Variants in RAB37 observed in about 807,000 individuals in gnomAD.
RAB37 encodes ras-related protein Rab-37.
A neutral mutation model predicts 33.1 loss-of-function variants in RAB37; 29 were observed. The ratio of observed to expected loss-of-function variants is 0.88; its 90% CI spans 0.65 to 1.20. The LOEUF is 1.20. Ranked by LOEUF, RAB37 falls within the 50% of genes most tolerant of loss-of-function variation. The pLI is 0.00. For synonymous variants in RAB37, 128 were observed against 119.5 expected (o/e 1.07, Z -0.47); for missense variants, 299 against 301.1 (o/e 0.99, Z 0.05).
intron 1 of RAB37, chr17:74,672,871 T>G (rs1240035807): frequency 6.6e-6 from 1 of 152,232 alleles, no homozygotes; most frequent in African/African-American, 2.4e-5. Context: ...GGTGCATGGC[T>G]CTGTGCCATG....
chr17:74,714,394 T>TAA (rs1333354087), intron 1 of RAB37, among the ~76,000 whole-genome samples: 1 of 115,350 alleles, frequency 8.7e-6, no homozygotes, highest in Non-Finnish European at 1.7e-5. Context: ...GCTGTCTCTT[T>TAA]AAACACACAC....
intron 1 of RAB37, chr17:74,677,333 C>T (rs1032111803): frequency 7.9e-5 from 12 of 152,116 alleles, no homozygotes; most frequent in African/African-American, 1.9e-4. Context: ...ACAAATAAAA[C>T]AGCAAAAGAC....
chr17:74,710,201 T>C (rs1334253063), intron 1 of RAB37, among the ~76,000 whole-genome samples: 1 of 150,840 alleles, frequency 6.6e-6, no homozygotes. Context: ...GGTCTCGATC[T>C]CCTGACCTTG....
At chr17:74,735,909 A>G (rs117608575), upstream of RAB37, among the ~76,000 whole-genome samples, 1,390 of 152,220 alleles carry the variant, frequency 9.1e-3, 18 homozygotes, top group Non-Finnish European at 0.014. Context: ...CTCCACACCT[A>G]AGTTAAGAAT....
upstream of RAB37, among the ~76,000 whole-genome samples, chr17:74,732,676 G>A (rs1472660518): frequency 1.1e-5 from 1 of 91,874 alleles, no homozygotes; most frequent in African/African-American, 3.9e-5. Flanking sequence ...TGTGTATGTG[G>A]CGTGAGATGT....
intron 1 of RAB37, among the ~76,000 whole-genome samples, chr17:74,700,981 A>G (rs1363830806): frequency 6.6e-6 from 1 of 152,176 alleles, no homozygotes; most frequent in East Asian, 1.9e-4. Flanking sequence ...AGACACACGC[A>G]GAGGGACGAC....
rs749871961 is a variant in RAB37, at chr17:74,729,357, C to G, written c.174C>G (p.Ile58Met). ...GCTCCTTCTCGGCCACTGTGGGCAT[C>G]GGATTCACGGTAAGCACTGGCCGGC... Residue 58 changes from isoleucine to methionine, a missense_variant, in exon 2 of 8, where the codon ATC (isoleucine) becomes ATG (methionine). Coordinates refer to the RAB37 transcript ENST00000340415. This position sits in a 1 kb window ranked among gnomAD's most constrained non-coding sequence, Gnocchi z 4.2. The G allele has an allele frequency of 6.2e-7, 1 of 1,613,218 alleles. No individual in the cohort carries two copies. The highest frequency in any genetic ancestry group is 8.5e-7 in the Non-Finnish European group (1 of 1,179,274).
chr17:74,703,288 C>T, intron 1 of RAB37: 1 of 633,114 alleles, frequency 1.6e-6, no homozygotes, highest in East Asian at 2.9e-5. Context: ...ACTCATGTCT[C>T]CCTGGTCTCT....
chr17:74,680,785 AG>A (rs1454263255), intron 1 of RAB37, among the ~76,000 whole-genome samples: 2 of 152,118 alleles, frequency 1.3e-5, no homozygotes, highest in African/African-American at 2.4e-5. Context: ...GGGGAGGGAA[AG>A]GGAAGGGATG....
At chr17:74,731,172 C>T (rs1335876316) in intron 2 of RAB37, among the ~76,000 whole-genome samples, 1 of 152,210 alleles carries the variant, frequency 6.6e-6, no homozygotes, top group Admixed American at 6.5e-5. Context: ...GTCTGGGGGT[C>T]CCCGGAGAGC....
intron 1 of RAB37, among the ~76,000 whole-genome samples, chr17:74,699,191 A>G (rs2032802302): frequency 6.6e-6 from 1 of 152,242 alleles, no homozygotes; most frequent in Admixed American, 6.5e-5. Context: ...TGCTGGGATT[A>G]CAGGCGTGAG....
chr17:74,691,073 ATTTTTTTAATT>A (rs1347111748), intron 1 of RAB37, among the ~76,000 whole-genome samples: 1 of 151,944 alleles, frequency 6.6e-6, no homozygotes, highest in Non-Finnish European at 1.5e-5. Context: ...CGCCTGGCTA[ATTTTTTTAATT>A]TTTTTGTAGA....
At chr17:74,736,004 G>C (rs980874065), upstream of RAB37, among the ~76,000 whole-genome samples, 1 of 152,144 alleles carries the variant, frequency 6.6e-6, no homozygotes. Flanking sequence ...TCAGGAATTT[G>C]AGACCAGCTT....
intron 1 of RAB37, among the ~76,000 whole-genome samples, chr17:74,706,721 G>C (rs577489119): frequency 1.3e-5 from 2 of 152,136 alleles, no homozygotes; most frequent in African/African-American, 4.8e-5. Flanking sequence ...AACAACCAAC[G>C]GCGCGGACAG....
At chr17:74,678,545 A>C (rs747986803) in intron 1 of RAB37, among the ~76,000 whole-genome samples, 1 of 152,172 alleles carries the variant, frequency 6.6e-6, no homozygotes, top group Non-Finnish European at 1.5e-5. Context: ...ACCCATCAAC[A>C]TGAGGATGCT....
intron 1 of RAB37, among the ~76,000 whole-genome samples, chr17:74,723,957 T>C (rs2034274584): frequency 6.6e-6 from 1 of 152,164 alleles, no homozygotes; most frequent in Admixed American, 6.6e-5. Flanking sequence ...ATTCAGCTTC[T>C]CCAAGCAGTG....
At chr17:74,713,560 C>A (rs189810866) in intron 1 of RAB37, among the ~76,000 whole-genome samples, 5 of 152,094 alleles carry the variant, frequency 3.3e-5, no homozygotes, top group African/African-American at 1.2e-4. Context: ...GGCAGGGGCA[C>A]GCGGCTCCAC....
At chr17:74,735,188 A>G (rs538373429), upstream of RAB37, among the ~76,000 whole-genome samples, 519 of 134,166 alleles carry the variant, frequency 3.9e-3, 2 homozygotes, top group African/African-American at 0.013. Flanking sequence ...GGGAGGGAGG[A>G]AGGAAGGAAG....
upstream of RAB37, among the ~76,000 whole-genome samples, chr17:74,736,318 C>G (rs918760996): frequency 2.6e-5 from 4 of 152,142 alleles, no homozygotes; most frequent in African/African-American, 9.7e-5. Context: ...TAACTTGAAG[C>G]TGCTTATAGA....
Sources: gnomAD v4.1 joint callset for allele counts (sites outside exome capture counted in the v4.1 genomes callset) on GRCh38, gnomAD v4.1.1 for gene constraint, Gnocchi (gnomAD v3.1) non-coding constraint, MANE v1.5 for transcripts, NCBI Gene and HGNC (gene_info 2026-07-23, HGNC 2026-07-21) for gene names.